The following CEP164 variants were observed in gnomAD, a reference collection of about 807,000 sequenced individuals.
CEP164 encodes the protein centrosomal protein 164, also known as centrosomal protein of 164 kDa.
In CEP164, 162 loss-of-function variants were observed where a neutral mutation model predicts 182.7. That is an observed-to-expected ratio of 0.89 (90% CI 0.78 to 1.01). The LOEUF (loss-of-function observed/expected upper bound fraction) is 1.01. CEP164 is among the 50% of genes least tolerant of loss of function. The pLI, the probability that CEP164 is intolerant of heterozygous loss-of-function variation, is 0.00. For missense variants in CEP164, 1,735 were observed against 1,790.4 expected (o/e 0.97, Z 0.56); for synonymous variants, 661 against 690.0 (o/e 0.96, Z 0.66).
At chr11:117,369,890 A>G (rs186235236) in intron 8 of CEP164, among the ~76,000 whole-genome samples, 2 of 152,372 alleles carry the variant, frequency 1.3e-5, no homozygotes, top group East Asian at 1.9e-4. Context: ...TGGCCACTGT[A>G]GAGACGCACT....
At chr11:117,349,635 A>C (rs1397934370) in intron 4 of CEP164, among the ~76,000 whole-genome samples, 5 of 152,280 alleles carry the variant, frequency 3.3e-5, no homozygotes, top group South Asian at 4.1e-4. Context: ...ACAGGTGTGC[A>C]CCATGGTGCC....
intron 3 of CEP164, among the ~76,000 whole-genome samples, chr11:117,339,209 G>A (rs766950354): frequency 1.2e-4 from 18 of 152,196 alleles, no homozygotes; most frequent in Non-Finnish European, 1.9e-4. Context: ...CAGCTGCAGA[G>A]ATATGTGGCT....
chr11:117,364,452 G>A (rs974001477), intron 8 of CEP164, among the ~76,000 whole-genome samples: 3 of 152,102 alleles, frequency 2.0e-5, no homozygotes, highest in African/African-American at 7.2e-5. Flanking sequence ...TACCTTAAGA[G>A]CCAGGATTGG....
At chr11:117,396,018 C>T (rs200643814) in intron 24 of CEP164, 36 bp from the exon 25 acceptor site, 66 of 1,613,200 alleles carry the variant, frequency 4.1e-5, no homozygotes, top group East Asian at 2.9e-4. Flanking sequence ...CATCGCCAGC[C>T]GCTGCCCTGC....
intron 13 of CEP164, 116 bp from the exon 14 acceptor site, chr11:117,382,680 A>AT (rs2043473543): frequency 8.0e-7 from 1 of 1,256,300 alleles, no homozygotes; most frequent in African/African-American, 1.5e-5. Context: ...AGGTAGGGAA[A>AT]TTGTTGGGCT....
chr11:117,349,053 C>T (rs898315994), intron 4 of CEP164, among the ~76,000 whole-genome samples: 36 of 151,844 alleles, frequency 2.4e-4, no homozygotes, highest in African/African-American at 6.8e-4. Context: ...GACAGAGTCT[C>T]GCTCTGTCAC....
chr11:117,383,350 A>G (rs1453035780), intron 14 of CEP164, among the ~76,000 whole-genome samples: 1 of 152,172 alleles, frequency 6.6e-6, no homozygotes, highest in Non-Finnish European at 1.5e-5. Flanking sequence ...ATCTGTGCAC[A>G]CTGTATAATG....
chr11:117,410,998 T>C, intron 31 of CEP164, 104 bp downstream of exon 31: 1 of 1,055,118 alleles, frequency 9.5e-7, no homozygotes, highest in Non-Finnish European at 1.4e-6. Context: ...CTCCTGGTCT[T>C]ACCCCAAGAA....
chr11:117,363,380 G>A (rs1037252516), intron 7 of CEP164, 49 bp from the exon 8 acceptor site: 1 of 1,420,186 alleles, frequency 7.0e-7, no homozygotes, highest in African/African-American at 1.4e-5. Flanking sequence ...CTCACCCTGG[G>A]TTGACCAGTT....
intron 11 of CEP164, among the ~76,000 whole-genome samples, chr11:117,379,639 T>C (rs1247941457): frequency 2.6e-5 from 4 of 152,072 alleles, no homozygotes; most frequent in Non-Finnish European, 5.9e-5. Context: ...GCTGATTTAA[T>C]CCTCACCAGA....
rs559810295 is a variant in CEP164 at position 117,401,585 on chromosome 11, G to A, written c.3501+4272G>A. Among the ~76,000 whole-genome samples the A allele has an allele frequency of 5.3e-5, 8 of 152,234 alleles. No homozygotes were observed. The South Asian group carries it at 1.5e-3, about 28-fold the overall frequency. Reference sequence around the variant, plus strand: ...CCTCTTTGTACCTCTGGTAGAATTCGGCTTTAAATCTGTCTGGTCCTGGGC... The same window carrying A: ...CCTCTTTGTACCTCTGGTAGAATTCAGCTTTAAATCTGTCTGGTCCTGGGC... On this transcript the variant is annotated intron_variant, in intron 27 of 32. Transcript: ENST00000278935.
intron 8 of CEP164, among the ~76,000 whole-genome samples, chr11:117,364,969 A>G (rs2041454332): frequency 6.6e-6 from 1 of 152,172 alleles, no homozygotes; most frequent in Non-Finnish European, 1.5e-5. Context: ...CTGCTTTGAA[A>G]CTGTTCCTTC....
chr11:117,366,655 C>T (rs1019613966), intron 8 of CEP164, among the ~76,000 whole-genome samples: 3 of 152,194 alleles, frequency 2.0e-5, no homozygotes, highest in African/African-American at 4.8e-5. Context: ...GCTAACAACA[C>T]TGGGGAGCTG....
In CEP164 at chr11:117,394,204, C is replaced by A; in HGVS notation, c.2617-146C>A. ...GCCAGGGCCGGTGCTGTGCTTGTAA[C>A]CCTCCTCTTCTCCAAGAGCTGGCTT... is the stretch of plus-strand genomic sequence containing the variant. On this transcript the variant is annotated intron_variant, in intron 20 of 32. Transcript: ENST00000278935. This position sits in a 1 kb window ranked among gnomAD's most constrained non-coding sequence, Gnocchi z 4.0. 2 of 1,111,850 alleles carry A rather than the reference C, an allele frequency of 1.8e-6. No individual in the cohort carries two copies. Among genetic ancestry groups the A allele is most frequent in the Non-Finnish European group, 2.6e-6 (2 of 783,816 alleles). The allele number at this position is 1,111,850 out of a possible 1,614,324, so 68.9% of individuals were successfully genotyped here.
intron 5 of CEP164, chr11:117,355,737 C>T (rs1218934706): frequency 8.7e-7 from 1 of 1,147,184 alleles, no homozygotes; most frequent in African/African-American, 1.6e-5. Flanking sequence ...GAACAGGTCT[C>T]CAAGCTTGTC....
chr11:117,341,281 C>G (rs1474464158), intron 3 of CEP164, among the ~76,000 whole-genome samples: 1 of 152,196 alleles, frequency 6.6e-6, no homozygotes, highest in Non-Finnish European at 1.5e-5. Context: ...TGGGCTATCT[C>G]AGTAGCTTCC....
intron 17 of CEP164, 83 bp downstream of exon 17, chr11:117,391,298 G>C (rs914730781): frequency 0.011 from 11,979 of 1,048,920 alleles, no homozygotes; most frequent in Non-Finnish European, 0.015. Context: ...GGAGAAGAAG[G>C]GCAAGTCTCG....
intron 3 of CEP164, among the ~76,000 whole-genome samples, 180 bp from the exon 4 acceptor site, chr11:117,343,986 G>A (rs2038514153): frequency 6.6e-6 from 1 of 152,060 alleles, no homozygotes; most frequent in South Asian, 2.1e-4. Flanking sequence ...GAGATAGCAT[G>A]CTTGGATTCA....
In CEP164 at chr11:117,332,179, A is replaced by G. The variant is rs1322636102; in HGVS notation, c.-97-3426A>G. Among the ~76,000 whole-genome samples, 3 of 152,196 alleles carry G rather than the reference A, an allele frequency of 2.0e-5. No individual in the cohort carries two copies. In the East Asian group the frequency reaches 5.8e-4, roughly 29 times the overall value. On this transcript the variant is annotated intron_variant, in intron 1 of 32. Coordinates refer to ENST00000278935, the MANE Select transcript of CEP164 (RefSeq NM_014956.5). The stretch of plus-strand genomic sequence containing the variant: ...CAGTAACTGAGCTCCGACAGCTTAC[A>G]TAGGCTTATTTTAGGCTTTGTTGGA...
Sources: gnomAD v4.1 joint callset for allele counts (sites outside exome capture counted in the v4.1 genomes callset) on GRCh38, gnomAD v4.1.1 for gene constraint, Gnocchi (gnomAD v3.1) non-coding constraint, MANE v1.5 for transcripts, NCBI Gene and HGNC (gene_info 2026-07-23, HGNC 2026-07-21) for gene names.